Variants in PTPRZ1 observed in about 807,000 individuals in gnomAD.
PTPRZ1 encodes receptor-type tyrosine-protein phosphatase zeta.
A neutral mutation model predicts 214.1 loss-of-function variants in PTPRZ1; 82 were observed. The ratio of observed to expected loss-of-function variants is 0.38; its 90% CI spans 0.32 to 0.46. The LOEUF (loss-of-function observed/expected upper bound fraction) is 0.46, where lower values mean the gene tolerates loss of function less well. PTPRZ1 is among the 20% of genes least tolerant of loss of function. The pLI is 1.00. For missense variants in PTPRZ1, 2,603 were observed against 2,748.7 expected (o/e 0.95, Z 1.19); for synonymous variants, 945 against 987.9 (o/e 0.96, Z 0.81).
At chr7:121,912,545 T>C (rs1795309699) in intron 1 of PTPRZ1, among the ~76,000 whole-genome samples, 1 of 152,098 alleles carries the variant, frequency 6.6e-6, no homozygotes, top group South Asian at 2.1e-4. Context: ...TGCATGGAAA[T>C]ATAGATGCTT....
intron 1 of PTPRZ1, among the ~76,000 whole-genome samples, chr7:121,892,449 T>G (rs1400680115): frequency 6.6e-6 from 1 of 151,860 alleles, no homozygotes; most frequent in Non-Finnish European, 1.5e-5. Flanking sequence ...ACTTAGTACC[T>G]GCCTGGTAAA....
chr7:122,042,865 A>G, intron 22 of PTPRZ1, 122 bp downstream of exon 22: 1 of 1,060,636 alleles, frequency 9.4e-7, no homozygotes, highest in Non-Finnish European at 1.4e-6. Context: ...TTAGAACAAC[A>G]GAAGTTTATT....
At chr7:122,046,955 A>G (rs1217578407) in intron 23 of PTPRZ1, among the ~76,000 whole-genome samples, 1 of 152,200 alleles carries the variant, frequency 6.6e-6, no homozygotes, top group Admixed American at 6.5e-5. Flanking sequence ...ACTTAAGAAA[A>G]CATTTTAATT....
chr7:121,901,502 T>C (rs1794956330), intron 1 of PTPRZ1, among the ~76,000 whole-genome samples: 1 of 152,196 alleles, frequency 6.6e-6, no homozygotes, highest in African/African-American at 2.4e-5. Flanking sequence ...TCACTGTTAG[T>C]ATATTCTAAA....
At chr7:121,964,967 A>T (rs753888789) in intron 2 of PTPRZ1, among the ~76,000 whole-genome samples, 2 of 152,198 alleles carry the variant, frequency 1.3e-5, no homozygotes, top group African/African-American at 2.4e-5. Flanking sequence ...CGGGGACATC[A>T]TATAGGATCT....
chr7:121,881,622 G>T (rs1794240432), intron 1 of PTPRZ1, among the ~76,000 whole-genome samples: 1 of 152,182 alleles, frequency 6.6e-6, no homozygotes, highest in Non-Finnish European at 1.5e-5. Flanking sequence ...CAAAGGTCCT[G>T]GAAATTTTCC....
At chr7:121,936,969 G>A (rs1796102554) in intron 2 of PTPRZ1, among the ~76,000 whole-genome samples, 1 of 152,298 alleles carries the variant, frequency 6.6e-6, no homozygotes, top group Non-Finnish European at 1.5e-5. Context: ...GTTTTGTTCA[G>A]ATGAGATAAC....
intron 8 of PTPRZ1, among the ~76,000 whole-genome samples, chr7:121,984,458 G>A (rs1471892468): frequency 6.6e-6 from 1 of 152,108 alleles, no homozygotes; most frequent in Non-Finnish European, 1.5e-5. Flanking sequence ...TGGGCTGAGA[G>A]GTATGAGAAA....
intron 1 of PTPRZ1, among the ~76,000 whole-genome samples, chr7:121,900,033 C>A (rs1794912324): frequency 6.6e-6 from 1 of 152,058 alleles, no homozygotes; most frequent in Non-Finnish European, 1.5e-5. Context: ...GAAGCCTGAG[C>A]AGATGTGAGA....
intron 13 of PTPRZ1, among the ~76,000 whole-genome samples, chr7:122,025,258 A>G (rs1799174964): frequency 6.6e-6 from 1 of 152,138 alleles, no homozygotes; most frequent in Non-Finnish European, 1.5e-5. Context: ...AATGTAGAAT[A>G]ATGTCCAGGA....
intron 2 of PTPRZ1, among the ~76,000 whole-genome samples, chr7:121,940,606 C>G (rs1796210684): frequency 6.6e-6 from 1 of 152,152 alleles, no homozygotes; most frequent in Non-Finnish European, 1.5e-5. Context: ...TCAGCAGGTG[C>G]TGCAATGATT....
At chr7:121,950,230 G>A (rs2116452948) in intron 2 of PTPRZ1, among the ~76,000 whole-genome samples, 1 of 152,278 alleles carries the variant, frequency 6.6e-6, no homozygotes, top group African/African-American at 2.4e-5. Context: ...GAACAGCATA[G>A]GAAAGACTTG....
At chr7:121,977,687 G>A (rs1797483388) in intron 6 of PTPRZ1, among the ~76,000 whole-genome samples, 1 of 151,642 alleles carries the variant, frequency 6.6e-6, no homozygotes, top group Non-Finnish European at 1.5e-5. Context: ...AGGAATATGT[G>A]AACTCCTGCA....
chr7:121,997,710 A>G (rs1798188695), intron 9 of PTPRZ1, among the ~76,000 whole-genome samples, 170 bp from the exon 10 acceptor site: 1 of 151,836 alleles, frequency 6.6e-6, no homozygotes. Context: ...TTCATAATTC[A>G]CAAATACCAC....
intron 8 of PTPRZ1, among the ~76,000 whole-genome samples, chr7:121,992,759 T>C (rs1798009842): frequency 6.6e-6 from 1 of 152,198 alleles, no homozygotes; most frequent in African/African-American, 2.4e-5. Flanking sequence ...TCTGTATGTC[T>C]AGAGTGCCTA....
chr7:121,978,452 G>A (rs1227582112), intron 6 of PTPRZ1, among the ~76,000 whole-genome samples: 1 of 152,146 alleles, frequency 6.6e-6, no homozygotes, highest in Non-Finnish European at 1.5e-5. Flanking sequence ...GGAAAGCAAA[G>A]GGTAAGCAAG....
rs1210107880 is a variant in PTPRZ1 at position 122,054,937 on chromosome 7, G to A, written c.6382-4G>A. On this transcript the variant is annotated splice_polypyrimidine_tract_variant and splice_region_variant and intron_variant, in intron 26 of 29. Coordinates refer to ENST00000393386, the MANE Select transcript of PTPRZ1 (RefSeq NM_002851.3). The stretch of plus-strand genomic sequence containing the variant: ...AGACTCTTCTTTCATTTGCAATTCT[G>A]CAGGCAGAAGATGAATTTGTTTACT... The A allele has an allele frequency of 1.3e-6, 2 of 1,581,020 alleles. No homozygotes were observed. Among genetic ancestry groups the A allele is most frequent in the Admixed American group, 1.9e-5 (1 of 53,654 alleles).
intron 6 of PTPRZ1, among the ~76,000 whole-genome samples, chr7:121,982,192 T>G (rs949260741): frequency 2.0e-5 from 3 of 152,194 alleles, no homozygotes. Flanking sequence ...CTATCATAGA[T>G]CAAATGATCA....
At chr7:121,981,347 C>T (rs1002299037) in intron 6 of PTPRZ1, among the ~76,000 whole-genome samples, 3 of 152,118 alleles carry the variant, frequency 2.0e-5, no homozygotes, top group Non-Finnish European at 4.4e-5. Context: ...TTCTAAAACT[C>T]CCTGGATTAT....
Sources: allele counts gnomAD v4.1 joint callset (sites outside exome capture counted in the v4.1 genomes callset), GRCh38; gene constraint gnomAD v4.1.1; transcripts MANE v1.5; gene names NCBI Gene and HGNC (gene_info 2026-07-23, HGNC 2026-07-21).